CHSY3: variants seen among roughly 807,000 people sequenced by gnomAD.
The protein encoded by CHSY3 is N-acetylgalactosaminyl-proteoglycan 3-beta-glucuronosyltransferase 3.
CHSY3 carries 35 observed loss-of-function variants against 67.2 expected under a neutral mutation model. That is an observed-to-expected ratio of 0.52 (90% CI 0.40 to 0.69). The LOEUF (loss-of-function observed/expected upper bound fraction) is 0.69. Ranked by LOEUF, CHSY3 falls within the 30% of genes least tolerant of loss-of-function variation. The pLI is 0.00. For missense variants in CHSY3, 1,069 were observed against 1,138.5 expected (o/e 0.94, Z 0.88); for synonymous variants, 474 against 434.7 (o/e 1.09, Z -1.12).
chr5:129,976,742 A>T (rs1433828608), intron 2 of CHSY3, among the ~76,000 whole-genome samples: 1 of 151,994 alleles, frequency 6.6e-6, no homozygotes, highest in Non-Finnish European at 1.5e-5. Flanking sequence ...ATGATGAAGA[A>T]AACTCTAGTA....
intron 2 of CHSY3, chr5:130,001,429 A>C: frequency 1.2e-6 from 1 of 858,610 alleles, no homozygotes; most frequent in African/African-American, 1.8e-5. Flanking sequence ...AAATTACCAG[A>C]TGATGAAGGT....
intron 2 of CHSY3, among the ~76,000 whole-genome samples, chr5:130,171,338 T>A (rs1439976070): frequency 1.3e-5 from 2 of 152,180 alleles, no homozygotes; most frequent in Non-Finnish European, 2.9e-5. Context: ...ATTAGAGTGA[T>A]ATTTTAGTTC....
intron 2 of CHSY3, among the ~76,000 whole-genome samples, chr5:130,026,617 C>T (rs1363507192): frequency 2.0e-5 from 3 of 152,068 alleles, no homozygotes; most frequent in Non-Finnish European, 4.4e-5. Context: ...TTACTTACTT[C>T]TCTGAAAATG....
intron 2 of CHSY3, among the ~76,000 whole-genome samples, chr5:130,143,754 ATATGTGTGTGTGTG>A (rs1287482917): frequency 5.4e-4 from 62 of 115,434 alleles, no homozygotes; most frequent in Middle Eastern, 8.5e-3. Context: ...ATATATATAT[ATATGTGTGTGTGTG>A]TATATATATA....
At chr5:129,990,247 A>G (rs973942502) in intron 2 of CHSY3, among the ~76,000 whole-genome samples, 2 of 152,132 alleles carry the variant, frequency 1.3e-5, no homozygotes, top group African/African-American at 4.8e-5. Flanking sequence ...ATCAAGGGAT[A>G]GGATTAGAAA....
chr5:129,983,341 T>G (rs1020925329), intron 2 of CHSY3, among the ~76,000 whole-genome samples: 3 of 152,036 alleles, frequency 2.0e-5, no homozygotes, highest in Non-Finnish European at 4.4e-5. Context: ...TGTGATTAGG[T>G]CAACATAATT....
intron 2 of CHSY3, among the ~76,000 whole-genome samples, chr5:130,020,461 A>T (rs959893576): frequency 0.64 from 50,732 of 79,350 alleles, 12,874 homozygotes; most frequent in East Asian, 0.7. Context: ...ATATATATAT[A>T]TTTTTTTTTT....
At chr5:130,006,108 TG>T (rs1763865467) in intron 2 of CHSY3, among the ~76,000 whole-genome samples, 2 of 152,152 alleles carry the variant, frequency 1.3e-5, no homozygotes, top group Non-Finnish European at 2.9e-5. Context: ...GAAGGGTATT[TG>T]GGTCACTGGG....
At chr5:129,929,750 CTT>C (rs892657138) in intron 2 of CHSY3, among the ~76,000 whole-genome samples, 9 of 152,080 alleles carry the variant, frequency 5.9e-5, no homozygotes, top group South Asian at 2.1e-4. Flanking sequence ...CTAGGAGTGT[CTT>C]TTACATTTCT....
At chr5:130,127,062 A>G (rs1409092590) in intron 2 of CHSY3, among the ~76,000 whole-genome samples, 1 of 152,198 alleles carries the variant, frequency 6.6e-6, no homozygotes, top group African/African-American at 2.4e-5. Context: ...TTTTCCTCTG[A>G]TACATATGTG....
In CHSY3 at chr5:130,172,415, C is replaced by T. The variant is rs373305646; in HGVS notation, c.1087-11814C>T. On this transcript the variant is annotated intron_variant, in intron 2 of 2. Transcript: ENST00000305031. ...GCACCATCTCAACTCACTGCAGCCT[C>T]GAACTCCCAGGCTCAAACCATCCTC... Among the ~76,000 whole-genome samples, 17 of 150,626 alleles carry T rather than the reference C, an allele frequency of 1.1e-4. No individual in the cohort carries two copies. The South Asian group carries it at 2.9e-3, about 26-fold the overall frequency.
At chr5:130,154,674 G>T (rs1175583971) in intron 2 of CHSY3, among the ~76,000 whole-genome samples, 1 of 152,158 alleles carries the variant, frequency 6.6e-6, no homozygotes, top group Non-Finnish European at 1.5e-5. Flanking sequence ...ATAGTAATAT[G>T]TTAATTAACT....
At chr5:130,156,440 A>C (rs1182868406) in intron 2 of CHSY3, among the ~76,000 whole-genome samples, 1 of 152,180 alleles carries the variant, frequency 6.6e-6, no homozygotes, top group Admixed American at 6.6e-5. Flanking sequence ...GTCTACTATT[A>C]ATTAGCATTT....
intron 2 of CHSY3, among the ~76,000 whole-genome samples, chr5:129,967,000 A>G (rs1762486944): frequency 6.6e-6 from 1 of 151,898 alleles, no homozygotes; most frequent in African/African-American, 2.4e-5. Flanking sequence ...GAAGGCCATC[A>G]TAAGTGATTT....
intron 2 of CHSY3, among the ~76,000 whole-genome samples, chr5:130,156,310 TCC>T (rs1769374072): frequency 6.6e-6 from 1 of 152,138 alleles, no homozygotes; most frequent in Non-Finnish European, 1.5e-5. Flanking sequence ...TTATTTGGTT[TCC>T]CCCATTTTGT....
chr5:130,170,179 T>C (rs1205225254), intron 2 of CHSY3, among the ~76,000 whole-genome samples: 1 of 152,042 alleles, frequency 6.6e-6, no homozygotes, highest in Non-Finnish European at 1.5e-5. Flanking sequence ...TATTTCCGTC[T>C]TTATATCCAT....
intron 2 of CHSY3, among the ~76,000 whole-genome samples, chr5:130,020,439 ATATATATATATATATATATATATTT>A (rs1214226202): frequency 4.2e-3 from 32 of 7,570 alleles, no homozygotes; most frequent in African/African-American, 7.6e-3. Flanking sequence ...ATATATATAT[ATATATATATATATATATATATATTT>A]TTTTTTTTTT....
chr5:130,161,608 G>T (rs1156706257), intron 2 of CHSY3, among the ~76,000 whole-genome samples: 1 of 152,142 alleles, frequency 6.6e-6, no homozygotes, highest in Non-Finnish European at 1.5e-5. Context: ...TTCAGAGTTT[G>T]CTCTTATGTT....
intron 2 of CHSY3, among the ~76,000 whole-genome samples, chr5:130,113,492 G>C (rs1405905315): frequency 6.6e-6 from 1 of 152,146 alleles, no homozygotes; most frequent in East Asian, 1.9e-4. Flanking sequence ...TTCAAAAATT[G>C]TGTTTGTGTT....
Sources: gnomAD v4.1 joint callset for allele counts (sites outside exome capture counted in the v4.1 genomes callset) on GRCh38, gnomAD v4.1.1 for gene constraint, MANE v1.5 for transcripts, NCBI Gene and HGNC (gene_info 2026-07-23, HGNC 2026-07-21) for gene names.